The following KIAA1671 variants were observed in gnomAD, a reference collection of about 807,000 sequenced individuals.
The protein encoded by KIAA1671 is KIAA1671.
In KIAA1671, 52 loss-of-function variants were observed where a neutral mutation model predicts 131.2. That is an observed-to-expected ratio of 0.40 (90% confidence interval 0.32 to 0.50). KIAA1671 has a LOEUF of 0.50. Ranked by LOEUF, KIAA1671 falls within the 20% of genes least tolerant of loss-of-function variation. The pLI is 0.73. For synonymous variants in KIAA1671, 1,003 were observed against 961.6 expected (o/e 1.04, Z -0.80); for missense variants, 2,360 against 2,364.2 (o/e 1.00, Z 0.04).
At chr22:24,966,125 C>T (rs1249359348) in intron 1 of KIAA1671, among the ~76,000 whole-genome samples, 2 of 152,180 alleles carry the variant, frequency 1.3e-5, no homozygotes, top group African/African-American at 4.8e-5. Context: ...AGTGTAATAC[C>T]CCTGCCTGTT....
chr22:25,049,327 A>G lies in KIAA1671; in HGVS notation c.4493A>G (p.His1498Arg). Reference sequence around the variant, plus strand: ...GTGGCCTCGGTTCCCTGGAGAAGCCACAGCTTCTGCAAAGACAGGAGGAGT... The same window carrying G: ...GTGGCCTCGGTTCCCTGGAGAAGCCGCAGCTTCTGCAAAGACAGGAGGAGT... ...SPVASVPWRSHSFCKDRRSGP... is the reference protein window; with the variant it reads ...SPVASVPWRSRSFCKDRRSGP... Residue 1498 changes from histidine to arginine, a missense_variant, in exon 6 of 13, where the codon CAC becomes CGC. This residue lies in a region of KIAA1671 where 1,161 missense variants were observed against 1,204.7 expected (regional missense o/e 0.96). Transcript: ENST00000358431. 6.4e-7 allele frequency: 1 copy of G among 1,551,622 alleles called. No individual in the cohort carries two copies.
intron 1 of KIAA1671, among the ~76,000 whole-genome samples, chr22:24,991,207 G>A (rs1923824660): frequency 6.6e-6 from 1 of 150,922 alleles, no homozygotes; most frequent in Admixed American, 6.6e-5. Flanking sequence ...ATTTTTAGTA[G>A]AGACGGGGTT....
chr22:25,008,187 G>C (rs1378132991), intron 1 of KIAA1671, among the ~76,000 whole-genome samples: 1 of 110,348 alleles, frequency 9.1e-6, no homozygotes, highest in African/African-American at 3.7e-5. Flanking sequence ...GACAGAGTGA[G>C]ACTCCGTCGC....
In KIAA1671 at chr22:25,117,584, ACCAC is replaced by A. The variant is rs1931730444; in HGVS notation, c.4531-53235_4531-53232del. On this transcript the variant is annotated intron_variant, in intron 6 of 12. Transcript: ENST00000358431. Reference sequence around the variant, plus strand: ...TCAGCAGGGCTCAGCATCTCCCCCAACCACACACACACACACACACACACACACA... The same window carrying A: ...TCAGCAGGGCTCAGCATCTCCCCCAAACACACACACACACACACACACACA... Among the ~76,000 whole-genome samples the A allele has an allele frequency of 9.7e-5, 5 of 51,316 alleles. No homozygotes were observed. In the South Asian group the frequency reaches 3.2e-3, roughly 33 times the overall value. The allele number at this position is 51,316 out of a possible 152,430, so 33.7% of individuals were successfully genotyped here. A position where few individuals can be genotyped will look rare whatever the true frequency, so the allele number is the denominator to read the frequency against.
chr22:24,968,823 A>G (rs1036202157), intron 1 of KIAA1671, among the ~76,000 whole-genome samples: 8 of 152,074 alleles, frequency 5.3e-5, no homozygotes, highest in African/African-American at 1.7e-4. Flanking sequence ...TATTTTCCAA[A>G]TTGATAATTT....
rs1190869430 is a variant in KIAA1671, at chr22:25,196,991, A to G, written c.*4590A>G. 4 of 152,182 alleles carry G rather than the reference A, an allele frequency of 2.6e-5. No homozygotes were observed. Among genetic ancestry groups the G allele is most frequent in the South Asian group, 2.1e-4 (1 of 4,834 alleles). The allele number at this position is 152,182 out of a possible 1,614,324, so 9.4% of individuals were successfully genotyped here. ...ACACACACACACACAAGTATAGTATATATTTTCCTAACCTTTCTTCTGGGT... is the reference window on the plus strand; with the variant it reads ...ACACACACACACACAAGTATAGTATGTATTTTCCTAACCTTTCTTCTGGGT... On this transcript the variant is annotated 3_prime_UTR_variant, in exon 13 of 13. Transcript: ENST00000358431.
chr22:25,118,007 G>A (rs1189763816), intron 6 of KIAA1671, among the ~76,000 whole-genome samples: 9 of 151,856 alleles, frequency 5.9e-5, no homozygotes, highest in Non-Finnish European at 1.0e-4. Context: ...GTGTGGTGAC[G>A]CATGCCTGTA....
At chr22:25,057,368 C>G (rs989885680) in intron 6 of KIAA1671, 4 of 151,852 alleles carry the variant, frequency 2.6e-5, no homozygotes, top group Admixed American at 6.6e-5. Context: ...CCGACCGGCC[C>G]GCAGGAGAGA....
chr22:25,158,731 C>T (rs1028782301), intron 6 of KIAA1671, among the ~76,000 whole-genome samples: 4 of 152,238 alleles, frequency 2.6e-5, no homozygotes, highest in East Asian at 1.9e-4. Flanking sequence ...CTCTGTGCCT[C>T]GGTCTTCTCA....
intron 6 of KIAA1671, among the ~76,000 whole-genome samples, chr22:25,117,585 CCACACACACACACACACACA>C (rs4049524): frequency 2.0e-4 from 25 of 123,896 alleles, no homozygotes; most frequent in African/African-American, 2.9e-4. Context: ...TCTCCCCCAA[CCACACACACACACACACACA>C]CACACACACA....
chr22:25,075,458 T>C (rs1929052618), intron 6 of KIAA1671, among the ~76,000 whole-genome samples: 1 of 152,152 alleles, frequency 6.6e-6, no homozygotes, highest in Admixed American at 6.6e-5. Context: ...TCATCCCTAG[T>C]AGGGCCTCAT....
At position 25,074,289 on chromosome 22, in the gene KIAA1671, G is replaced by A. The variant is rs1007285650; in HGVS notation, c.4530+24925G>A. Among the ~76,000 whole-genome samples, 11 of 151,424 alleles carry A rather than the reference G, an allele frequency of 7.3e-5. No individual in the cohort carries two copies. In the South Asian group the frequency reaches 2.3e-3, roughly 32 times the overall value. On this transcript the variant is annotated intron_variant, in intron 6 of 12. Transcript: ENST00000358431. ...GGAGGCCAAGGAGGGTGGATCACTT[G>A]AAGTCAGAAGTTTGAGACCAGCCTG... is the stretch of plus-strand genomic sequence containing the variant.
At chr22:24,956,862 ACT>A (rs1325086046) in intron 1 of KIAA1671, among the ~76,000 whole-genome samples, 1 of 130,012 alleles carries the variant, frequency 7.7e-6, no homozygotes, top group African/African-American at 3.3e-5. Context: ...AGAGAGCGAG[ACT>A]CTGTCTCAAA....
Position 25,185,003 on chromosome 22 carries a change from G to C in KIAA1671, c.5226G>C (p.Val1742=), listed in dbSNP as rs1194908334. ...LKAQLHKRPE[V]DSPGETPSWA... ...CTCAGCTGCACAAGAGGCCAGAGGT[G>C]GACAGTCCTGGCGAGACCCCCAGCT... The change falls in exon 11 of 13, where the codon GTG becomes GTC. Residue 1742 remains valine, a synonymous_variant. Transcript: ENST00000358431. 3.9e-6 allele frequency: 6 copies of C among 1,551,596 alleles called. No homozygotes were observed. Among genetic ancestry groups the C allele is most frequent in the South Asian group, 3.6e-5 (3 of 84,044 alleles).
rs1934430145 is a variant in KIAA1671, at chr22:25,185,131, TG to T, written c.5342+16del. The T allele has an allele frequency of 1.3e-6, 2 of 1,536,702 alleles. No homozygotes were observed. Among genetic ancestry groups the T allele is most frequent in the Non-Finnish European group, 1.8e-6 (2 of 1,139,240 alleles). On this transcript the variant is annotated intron_variant, in intron 11 of 12. Transcript: ENST00000358431. ...GACAAGGATGAGAGGTGAGGGGTCT[TG>T]GGGAATGGGGGTCCCTCTCCTTCCA... is the stretch of plus-strand genomic sequence containing the variant.
At chr22:25,128,209 A>G (rs1286699470) in intron 6 of KIAA1671, among the ~76,000 whole-genome samples, 1 of 152,232 alleles carries the variant, frequency 6.6e-6, no homozygotes, top group African/African-American at 2.4e-5. Context: ...TTTGTGTGGC[A>G]AGAGCTCTAG....
chr22:24,973,056 A>T (rs984328594), intron 1 of KIAA1671, among the ~76,000 whole-genome samples: 1 of 152,132 alleles, frequency 6.6e-6, no homozygotes, highest in Non-Finnish European at 1.5e-5. Flanking sequence ...CCCAGGCAGG[A>T]GCAAGCTGGG....
intron 6 of KIAA1671, chr22:25,063,625 AC>A (rs1410925210): frequency 6.6e-6 from 1 of 152,196 alleles, no homozygotes; most frequent in African/African-American, 2.4e-5. Context: ...TGCTCGGGTG[AC>A]GGGTGCACGA....
chr22:25,100,132 G>A (rs1458944980), intron 6 of KIAA1671, among the ~76,000 whole-genome samples: 5 of 152,208 alleles, frequency 3.3e-5, no homozygotes, highest in Non-Finnish European at 5.9e-5. Flanking sequence ...GAGGAGGGGA[G>A]CATTGCCTGG....
Sources: allele counts gnomAD v4.1 joint callset (sites outside exome capture counted in the v4.1 genomes callset), GRCh38; gene constraint gnomAD v4.1.1; regional missense constraint gnomAD v4.1.1; transcripts MANE v1.5; gene names NCBI Gene and HGNC (gene_info 2026-07-23, HGNC 2026-07-21).